The following BCAS3 variants were observed in gnomAD, a reference collection of about 807,000 sequenced individuals.
BCAS3 encodes the protein BCAS3 microtubule associated cell migration factor.
BCAS3 carries 53 observed loss-of-function variants against 116.1 expected under a neutral mutation model. That is an observed-to-expected ratio of 0.46 (90% CI 0.37 to 0.57). The LOEUF (loss-of-function observed/expected upper bound fraction) is 0.57, where lower values mean the gene tolerates loss of function less well. Among genes scored for constraint, BCAS3 ranks in the 20% least tolerant of loss-of-function variants. The pLI is 0.00. For synonymous variants in BCAS3, 391 were observed against 408.2 expected (o/e 0.96, Z 0.51); for missense variants, 917 against 1,165.4 (o/e 0.79, Z 3.10).
chr17:61,156,544 TTC>T lies in BCAS3; in HGVS notation c.2425+71989_2425+71990del, dbSNP rs1445830734. On this transcript the variant is annotated intron_variant, in intron 22 of 23. Coordinates refer to ENST00000407086, the MANE Select transcript of BCAS3 (RefSeq NM_017679.5). The surrounding 1 kb of genome is among the most constrained non-coding windows in gnomAD (Gnocchi z 4.7). ...CAGACTGAGGTTGGAACGGGCTTGC[TTC>T]TCTCTCTCACCTTCTCCCTACCCAA... is the stretch of plus-strand genomic sequence containing the variant. Among the ~76,000 whole-genome samples the T allele has an allele frequency of 6.6e-6, 1 of 152,134 alleles. No individual in the cohort carries two copies. The highest frequency in any genetic ancestry group is 1.9e-4 in the East Asian group (1 of 5,204).
chr17:61,133,926 T>C (rs2076479543), intron 22 of BCAS3, among the ~76,000 whole-genome samples: 1 of 151,718 alleles, frequency 6.6e-6, no homozygotes, highest in African/African-American at 2.4e-5. Context: ...GTGTAATCTT[T>C]TAACAAAGTA....
intron 6 of BCAS3, among the ~76,000 whole-genome samples, chr17:60,756,043 C>G (rs1291977326): frequency 6.6e-6 from 1 of 152,112 alleles, no homozygotes; most frequent in Non-Finnish European, 1.5e-5. Flanking sequence ...CTTACTTGTT[C>G]TAACTTAGTG....
chr17:60,741,258 C>T (rs1216277595), intron 5 of BCAS3, among the ~76,000 whole-genome samples: 2 of 152,126 alleles, frequency 1.3e-5, no homozygotes, highest in Non-Finnish European at 2.9e-5. Context: ...GTGGTCAGAT[C>T]TAAGTGAAGT....
intron 22 of BCAS3, among the ~76,000 whole-genome samples, chr17:61,238,551 C>G (rs796781100): frequency 6.6e-6 from 1 of 151,972 alleles, no homozygotes; most frequent in African/African-American, 2.4e-5. Context: ...CCAATTCCAT[C>G]ATAATGAGAT....
chr17:61,361,650 G>T lies in BCAS3; in HGVS notation c.2426-6677G>T, dbSNP rs2058458314. The T allele has an allele frequency of 1.3e-5, 2 of 152,116 alleles. No individual in the cohort carries two copies. Among genetic ancestry groups the T allele is most frequent in the South Asian group, 2.1e-4 (1 of 4,822 alleles). The allele number at this position is 152,116 out of a possible 1,614,324, so 9.4% of individuals were successfully genotyped here. A position where few individuals can be genotyped will look rare whatever the true frequency, so the allele number is the denominator to read the frequency against. On this transcript the variant is annotated intron_variant, in intron 22 of 23. Coordinates refer to ENST00000407086, the MANE Select transcript of BCAS3 (RefSeq NM_017679.5). The surrounding 1 kb of genome is among the most constrained non-coding windows in gnomAD (Gnocchi z 6.5). ...TTCTCTAAGGAAACAACTAATAAAAGAGATATCTCCAGAGATGCATAGATA... is the reference window on the plus strand; with the variant it reads ...TTCTCTAAGGAAACAACTAATAAAATAGATATCTCCAGAGATGCATAGATA...
Position 60,995,724 on chromosome 17 carries a change from A to G in BCAS3, c.1486+5489A>G, listed in dbSNP as rs563774684. On this transcript the variant is annotated intron_variant, in intron 15 of 23. Transcript: ENST00000407086. This position sits in a 1 kb window ranked among gnomAD's most constrained non-coding sequence, Gnocchi z 4.7. ...TTATTCATAGTAACAACTTAAAAAA[A>G]CATCTCCAAGGTGTAGTCATTTGAT... Among the ~76,000 whole-genome samples the G allele has an allele frequency of 2.6e-5, 4 of 152,332 alleles. No homozygotes were observed. Among genetic ancestry groups the G allele is most frequent in the Non-Finnish European group, 4.4e-5 (3 of 68,028 alleles).
intron 4 of BCAS3, among the ~76,000 whole-genome samples, chr17:60,693,435 G>A (rs190846248): frequency 5.2e-4 from 78 of 151,054 alleles, no homozygotes; most frequent in Middle Eastern, 6.9e-3. Flanking sequence ...TTTTGACAGA[G>A]TCTCACTTTT....
At chr17:60,974,990 TGC>T (rs1491340040) in intron 14 of BCAS3, among the ~76,000 whole-genome samples, 1,804 of 136,426 alleles carry the variant, frequency 0.013, 77 homozygotes, top group African/African-American at 0.062. Flanking sequence ...TTGTTTTTTT[TGC>T]TTTTTTGTTT....
At chr17:60,823,006 C>T (rs2050090631) in intron 7 of BCAS3, among the ~76,000 whole-genome samples, 2 of 152,004 alleles carry the variant, frequency 1.3e-5, no homozygotes, top group African/African-American at 4.8e-5. Flanking sequence ...GAGAAAATAG[C>T]AGAAGAACAA....
At chr17:61,350,222 C>T (rs1316398268) in intron 22 of BCAS3, among the ~76,000 whole-genome samples, 1 of 151,910 alleles carries the variant, frequency 6.6e-6, no homozygotes, top group Non-Finnish European at 1.5e-5. Context: ...TGAGACCAGC[C>T]TGGCCAACAT....
At chr17:60,808,939 G>C (rs867022440) in intron 7 of BCAS3, among the ~76,000 whole-genome samples, 55 of 152,204 alleles carry the variant, frequency 3.6e-4, no homozygotes, top group Middle Eastern at 6.8e-3. Context: ...GCCAGGGTAG[G>C]TTATAATATA....
chr17:61,161,040 C>T lies in BCAS3; in HGVS notation c.2425+76476C>T, dbSNP rs1435567810. Reference sequence around the variant, plus strand: ...CTTCCCTGTGTCAACTTTGGGACGACTACAAGAGATCTATAGTTAAAATAC... The same window carrying T: ...CTTCCCTGTGTCAACTTTGGGACGATTACAAGAGATCTATAGTTAAAATAC... On this transcript the variant is annotated intron_variant, in intron 22 of 23. Transcript: ENST00000407086. This position sits in a 1 kb window ranked among gnomAD's most constrained non-coding sequence, Gnocchi z 4.8. Among the ~76,000 whole-genome samples, 1 of 152,104 alleles carries T rather than the reference C, an allele frequency of 6.6e-6. No homozygotes were observed. Among genetic ancestry groups the T allele is most frequent in the Admixed American group, 6.6e-5 (1 of 15,266 alleles).
At chr17:60,831,749 T>G (rs943461641) in intron 7 of BCAS3, among the ~76,000 whole-genome samples, 3 of 151,842 alleles carry the variant, frequency 2.0e-5, no homozygotes, top group Non-Finnish European at 4.4e-5. Flanking sequence ...GGTTTTTTTT[T>G]TTAAATGACA....
rs1000668053 is a variant in BCAS3 at position 61,161,045 on chromosome 17, A to G, written c.2425+76481A>G. The stretch of plus-strand genomic sequence containing the variant: ...CTGTGTCAACTTTGGGACGACTACA[A>G]GAGATCTATAGTTAAAATACTCTGC... On this transcript the variant is annotated intron_variant, in intron 22 of 23. Transcript: ENST00000407086. This position sits in a 1 kb window ranked among gnomAD's most constrained non-coding sequence, Gnocchi z 4.8. Among the ~76,000 whole-genome samples, 4 of 152,220 alleles carry G rather than the reference A, an allele frequency of 2.6e-5. No homozygotes were observed. Among genetic ancestry groups the G allele is most frequent in the Non-Finnish European group, 5.9e-5 (4 of 68,040 alleles).
chr17:60,985,508 C>G (rs2145415533), intron 14 of BCAS3, among the ~76,000 whole-genome samples: 1 of 152,176 alleles, frequency 6.6e-6, no homozygotes, highest in African/African-American at 2.4e-5. Flanking sequence ...CTATAGTCAC[C>G]TTATTGTGCT....
intron 22 of BCAS3, among the ~76,000 whole-genome samples, chr17:61,273,519 G>C (rs995737480): frequency 2.0e-5 from 3 of 151,934 alleles, no homozygotes; most frequent in Non-Finnish European, 4.4e-5. Context: ...TCACCATTTT[G>C]ATGATGATGT....
intron 7 of BCAS3, among the ~76,000 whole-genome samples, chr17:60,827,682 T>G (rs1389661209): frequency 2.0e-5 from 3 of 152,170 alleles, no homozygotes; most frequent in Non-Finnish European, 4.4e-5. Flanking sequence ...ATCAAGATAA[T>G]GAGCATATCC....
chr17:60,854,022 G>T (rs1168605494), intron 7 of BCAS3, among the ~76,000 whole-genome samples: 1 of 151,992 alleles, frequency 6.6e-6, no homozygotes, highest in Non-Finnish European at 1.5e-5. Context: ...TTTACATTAG[G>T]TTTATCTCCT....
rs1369779551 is a variant in BCAS3, at chr17:61,313,315, T to C, written c.2426-55012T>C. ...CATGATTCTACTCCAAAGACTGTCT[T>C]CCCTCCACCATGCCCTACTACCTTC... is the stretch of plus-strand genomic sequence containing the variant. On this transcript the variant is annotated intron_variant, in intron 22 of 23. Transcript: ENST00000407086. The surrounding 1 kb of genome is among the most constrained non-coding windows in gnomAD (Gnocchi z 4.3). Among the ~76,000 whole-genome samples the C allele has an allele frequency of 3.3e-5, 5 of 152,198 alleles. No homozygotes were observed. The highest frequency in any genetic ancestry group is 3.3e-4 in the Admixed American group (5 of 15,284).
Sources: allele counts gnomAD v4.1 joint callset (sites outside exome capture counted in the v4.1 genomes callset), GRCh38; gene constraint gnomAD v4.1.1; non-coding constraint Gnocchi (gnomAD v3.1); transcripts MANE v1.5; gene names NCBI Gene and HGNC (gene_info 2026-07-23, HGNC 2026-07-21).